The following RGS22 variants were observed in gnomAD, a reference collection of about 807,000 sequenced individuals.
RGS22 encodes the protein regulator of G protein signaling 22, also known as regulator of G-protein signaling 22.
In RGS22, 148 loss-of-function variants were observed where a neutral mutation model predicts 172.9. The ratio of observed to expected loss-of-function variants is 0.86; its 90% CI spans 0.75 to 0.98. The LOEUF (loss-of-function observed/expected upper bound fraction) is 0.98. RGS22 is among the 50% of genes least tolerant of loss of function. The pLI is 0.00. For synonymous variants in RGS22, 458 were observed against 480.2 expected (o/e 0.95, Z 0.60); for missense variants, 1,347 against 1,440.8 (o/e 0.93, Z 1.05).
intron 16 of RGS22, 27 bp from the exon 17 acceptor site, chr8:100,004,125 A>T (rs745607064): frequency 1.3e-6 from 2 of 1,562,812 alleles, no homozygotes; most frequent in Admixed American, 3.7e-5. Context: ...TTTCAGCAAA[A>T]ATCTCTTAAA....
intron 21 of RGS22, among the ~76,000 whole-genome samples, chr8:99,987,041 G>A (rs1020921300): frequency 1.3e-5 from 2 of 152,080 alleles, no homozygotes; most frequent in Admixed American, 1.3e-4. Context: ...AGGACCAGAA[G>A]TGTTTTAGAT....
At chr8:99,978,967 C>G (rs1387407099) in intron 22 of RGS22, among the ~76,000 whole-genome samples, 1 of 152,204 alleles carries the variant, frequency 6.6e-6, no homozygotes, top group East Asian at 1.9e-4. Context: ...TTCATTACTC[C>G]TCTTTTCCAT....
chr8:100,041,240 G>C (rs1405563766), intron 12 of RGS22, among the ~76,000 whole-genome samples: 1 of 152,168 alleles, frequency 6.6e-6, no homozygotes, highest in African/African-American at 2.4e-5. Context: ...TGTAATCCCA[G>C]CACTTTGGAA....
At chr8:100,059,138 A>T (rs978792947) in intron 9 of RGS22, among the ~76,000 whole-genome samples, 1 of 152,162 alleles carries the variant, frequency 6.6e-6, no homozygotes, top group Non-Finnish European at 1.5e-5. Flanking sequence ...CAAAAAACAT[A>T]CAATGGATAC....
At chr8:100,016,978 CTTTTTTTTTTTTTTTTTTTTTTTTTT>C (rs71274949) in intron 14 of RGS22, among the ~76,000 whole-genome samples, 1 of 36,110 alleles carries the variant, frequency 2.8e-5, no homozygotes, top group African/African-American at 8.8e-5. Flanking sequence ...CCTTACCAGT[CTTTTTTTTTTTTTTTTTTTTTTTTTT>C]TTTTTTTTTT....
At chr8:99,982,880 G>C (rs1006093423) in intron 21 of RGS22, among the ~76,000 whole-genome samples, 2 of 152,188 alleles carry the variant, frequency 1.3e-5, no homozygotes, top group African/African-American at 4.8e-5. Context: ...ATTACGTGAT[G>C]CTGAGGTTTG....
intron 17 of RGS22, chr8:100,003,277 T>C (rs1232586689): frequency 6.6e-6 from 1 of 151,962 alleles, no homozygotes; most frequent in African/African-American, 2.4e-5. Context: ...ACCCCATAAA[T>C]ATATACATGT....
intron 3 of RGS22, among the ~76,000 whole-genome samples, chr8:100,088,515 G>C (rs1408186707): frequency 1.3e-5 from 2 of 152,030 alleles, no homozygotes; most frequent in East Asian, 3.9e-4. Context: ...AGAGTTGACA[G>C]CAAAAAACCT....
intron 14 of RGS22, chr8:100,038,439 A>C (rs987398867): frequency 6.6e-6 from 1 of 152,188 alleles, no homozygotes; most frequent in Non-Finnish European, 1.5e-5. Context: ...ACAGAAGCCT[A>C]AACAACTACA....
Position 100,006,072 on chromosome 8 carries a change from G to C in RGS22, c.2399C>G (p.Thr800Arg). Reference sequence around the variant, plus strand: ...CAAAGCCTGTAGCTTTCTGAAGTATGTGGAGTCTAACTGTCGAGTTTCTTC... The same window carrying C: ...CAAAGCCTGTAGCTTTCTGAAGTATCTGGAGTCTAACTGTCGAGTTTCTTC... ...LVEETRQLDSTYFRKLQALHK... is the reference protein window; with the variant it reads ...LVEETRQLDSRYFRKLQALHK... The change falls in exon 16 of 28, where the codon ACA becomes AGA. Residue 800 changes from threonine (T) to arginine (R), a missense_variant. Transcript: ENST00000360863. 6.2e-7 allele frequency: 1 copy of C among 1,613,356 alleles called. No individual in the cohort carries two copies. The highest frequency in any genetic ancestry group is 8.5e-7 in the Non-Finnish European group (1 of 1,179,608).
Position 100,100,663 on chromosome 8 carries a change from A to C in RGS22, c.54+4711T>G, listed in dbSNP as rs1257465101. On this transcript the variant is annotated intron_variant, in intron 2 of 27. Coordinates refer to ENST00000360863, the MANE Select transcript of RGS22 (RefSeq NM_015668.5). The stretch of plus-strand genomic sequence containing the variant: ...AATCCATGGATATGGAGAGTCAACT[A>C]TGTTACTGTATGTTAAAATAATGAG... Among the ~76,000 whole-genome samples, 3 of 152,190 alleles carry C rather than the reference A, an allele frequency of 2.0e-5. No individual in the cohort carries two copies. In the East Asian group the frequency reaches 5.8e-4, roughly 29 times the overall value.
chr8:100,052,998 G>C (rs1821844381), intron 9 of RGS22, 22 bp from the exon 10 acceptor site: 2 of 1,605,304 alleles, frequency 1.2e-6, no homozygotes, highest in African/African-American at 2.7e-5. Flanking sequence ...AAAAATAAAT[G>C]TAAGATTGAA....
Position 100,040,045 on chromosome 8 carries a change from T to C in RGS22, c.1981A>G (p.Met661Val). The change falls in exon 13 of 28, where the codon ATG (methionine) becomes GTG (valine). Residue 661 changes from methionine to valine, a missense_variant. Transcript: ENST00000360863. ...TACAAAGATTGCAACAAATTTTCCATGTCAGATCCTCCCAAGGCACCAACA... is the reference window on the plus strand; with the variant it reads ...TACAAAGATTGCAACAAATTTTCCACGTCAGATCCTCCCAAGGCACCAACA... The part of the protein sequence containing the change: ...SDVGALGGSD[M>V]ENLLQSLYVE... The C allele has an allele frequency of 2.5e-6, 4 of 1,610,250 alleles. No individual in the cohort carries two copies. Among genetic ancestry groups the C allele is most frequent in the Non-Finnish European group, 3.4e-6 (4 of 1,178,744 alleles).
chr8:99,962,470 T>C, intron 26 of RGS22, 27 bp from the exon 27 acceptor site: 2 of 1,609,696 alleles, frequency 1.2e-6, no homozygotes, highest in East Asian at 2.2e-5. Flanking sequence ...GTTTTATGTA[T>C]ATATTTAGTC....
chr8:99,967,428 G>T (rs1810865307), intron 23 of RGS22, among the ~76,000 whole-genome samples: 1 of 152,062 alleles, frequency 6.6e-6, no homozygotes, highest in Non-Finnish European at 1.5e-5. Flanking sequence ...GAGCCAAGTG[G>T]TCTCGCTCAG....
chr8:100,031,814 A>G (rs1478532701), intron 14 of RGS22, among the ~76,000 whole-genome samples: 1 of 152,152 alleles, frequency 6.6e-6, no homozygotes, highest in East Asian at 1.9e-4. Context: ...AAAACTGTAG[A>G]ACTCTCGGCA....
chr8:100,101,325 T>C (rs1178075619), intron 2 of RGS22, among the ~76,000 whole-genome samples: 1 of 151,540 alleles, frequency 6.6e-6, no homozygotes, highest in Non-Finnish European at 1.5e-5. Context: ...CTCGCTCTGT[T>C]GCCCAGGCTG....
At chr8:100,040,178 G>T in intron 12 of RGS22, 91 bp from the exon 13 acceptor site, 2 of 1,157,604 alleles carry the variant, frequency 1.7e-6, no homozygotes, top group Non-Finnish European at 2.5e-6. Flanking sequence ...ACTCTACCAT[G>T]CTGTCATTTT....
intron 4 of RGS22, among the ~76,000 whole-genome samples, chr8:100,073,895 A>G (rs1811160899): frequency 6.6e-6 from 1 of 152,224 alleles, no homozygotes; most frequent in Non-Finnish European, 1.5e-5. Context: ...AAAATTGAAG[A>G]AAAGTCTTTA....
Sources: allele counts gnomAD v4.1 joint callset (sites outside exome capture counted in the v4.1 genomes callset), GRCh38; gene constraint gnomAD v4.1.1; transcripts MANE v1.5; gene names NCBI Gene and HGNC (gene_info 2026-07-23, HGNC 2026-07-21).